The following CPLANE1 variants were observed in gnomAD, a reference collection of about 807,000 sequenced individuals.
CPLANE1 encodes ciliogenesis and planar polarity effector 1.
In CPLANE1, 263 loss-of-function variants were observed where a neutral mutation model predicts 362.5. That is an observed-to-expected ratio of 0.73 (90% CI 0.66 to 0.80). The LOEUF (loss-of-function observed/expected upper bound fraction) is 0.80, where lower values mean the gene tolerates loss of function less well. Among genes scored for constraint, CPLANE1 ranks in the 30% least tolerant of loss-of-function variants. The pLI, the probability that CPLANE1 is intolerant of heterozygous loss-of-function variation, is 0.00. For missense variants in CPLANE1, 3,461 were observed against 3,793.4 expected (o/e 0.91, Z 2.30); for synonymous variants, 1,212 against 1,302.6 (o/e 0.93, Z 1.50).
Position 37,209,365 on chromosome 5 carries a change from T to C in CPLANE1, c.2921-2940A>G. 9.6e-7 allele frequency: 1 copy of C among 1,044,852 alleles called. No homozygotes were observed. Among genetic ancestry groups the C allele is most frequent in the Non-Finnish European group, 1.5e-6 (1 of 663,940 alleles). 64.7% of individuals were successfully genotyped at this position (1,044,852 alleles called of 1,614,324 possible). ...GGCTCCGGAGGAAGCTGACGGCTGA[T>C]GATGGCTCAGTCCAACATGCTCCCC... On this transcript the variant is annotated intron_variant, in intron 16 of 52. Transcript: ENST00000651892. The surrounding 1 kb of genome is among the most constrained non-coding windows in gnomAD (Gnocchi z 4.6).
intron 15 of CPLANE1, among the ~76,000 whole-genome samples, chr5:37,220,438 A>G (rs1452605394): frequency 6.6e-6 from 1 of 152,116 alleles, no homozygotes; most frequent in African/African-American, 2.4e-5. Context: ...ATGTTCATTC[A>G]TATATATCTT....
intron 6 of CPLANE1, 131 bp from the exon 7 acceptor site, chr5:37,240,000 G>C (rs747119389): frequency 3.6e-5 from 20 of 558,690 alleles, no homozygotes; most frequent in Non-Finnish European, 5.6e-5. Flanking sequence ...ATATTTTAGA[G>C]ACTATGTTAA....
intron 30 of CPLANE1, among the ~76,000 whole-genome samples, chr5:37,176,908 G>A (rs538047957): frequency 2.0e-5 from 3 of 151,938 alleles, no homozygotes; most frequent in South Asian, 2.1e-4. Flanking sequence ...ACAAGCGCCC[G>A]CCACCACACC....
At chr5:37,199,001 G>T (rs1387365245) in intron 19 of CPLANE1, 135 bp from the exon 20 acceptor site, 3 of 725,164 alleles carry the variant, frequency 4.1e-6, no homozygotes, top group Non-Finnish European at 6.5e-6. Context: ...GAAGGCTGAA[G>T]CAGGAGGACT....
the CPLANE1 span, among the ~76,000 whole-genome samples, chr5:37,095,518 T>C: frequency 2.0e-5 from 3 of 151,678 alleles, no homozygotes; most frequent in South Asian, 6.2e-4. Flanking sequence ...CTCTGAAAAA[T>C]GGAACAAGGA....
chr5:37,241,224 C>T (rs561941595), intron 6 of CPLANE1, among the ~76,000 whole-genome samples: 76 of 150,892 alleles, frequency 5.0e-4, no homozygotes, highest in African/African-American at 1.7e-3. Context: ...GAGGCCAAGG[C>T]GGGCAGATCA....
the CPLANE1 span, among the ~76,000 whole-genome samples, chr5:37,075,971 C>T: frequency 2.6e-5 from 4 of 151,820 alleles, no homozygotes; most frequent in East Asian, 3.9e-4. Context: ...AGGCTGGGCA[C>T]GGTGGCTCAC....
chr5:37,201,306 T>C (rs1191175881), intron 19 of CPLANE1, among the ~76,000 whole-genome samples: 3 of 152,216 alleles, frequency 2.0e-5, no homozygotes, highest in Non-Finnish European at 4.4e-5. Context: ...GAATAATTAC[T>C]ATATGTCCCA....
rs533006302 is a variant in CPLANE1, at chr5:37,186,783, G to A, written c.4081-389C>T. Among the ~76,000 whole-genome samples the A allele has an allele frequency of 5.3e-5, 8 of 152,172 alleles. No homozygotes were observed. In the East Asian group the frequency reaches 7.7e-4, roughly 15 times the overall value. Reference sequence around the variant, plus strand: ...CGATTAACTGTAGTCACTATAGCCCGGCGCGGTGGCTCACGCCTGTAATCC... The same window carrying A: ...CGATTAACTGTAGTCACTATAGCCCAGCGCGGTGGCTCACGCCTGTAATCC... On this transcript the variant is annotated intron_variant, in intron 23 of 52. Transcript: ENST00000651892.
At chr5:37,157,542 T>C (rs921521740) in intron 40 of CPLANE1, 122 bp from the exon 41 acceptor site, 1 of 1,116,192 alleles carries the variant, frequency 9.0e-7, no homozygotes, top group East Asian at 2.6e-5. Context: ...AGAACATTTC[T>C]GTGCATGTAA....
intron 20 of CPLANE1, 110 bp from the exon 21 acceptor site, chr5:37,196,106 A>G (rs1169740529): frequency 4.0e-6 from 3 of 745,208 alleles, no homozygotes; most frequent in Non-Finnish European, 6.0e-6. Flanking sequence ...AATGGAAAAC[A>G]CAGCACATGA....
At chr5:37,138,443 C>T (rs953472678) in intron 46 of CPLANE1, 15 of 531,538 alleles carry the variant, frequency 2.8e-5, no homozygotes, top group Non-Finnish European at 7.1e-6. Flanking sequence ...GGGTAAAGTG[C>T]TATGAGCTAA....
chr5:37,140,755 C>G, intron 44 of CPLANE1: 1 of 985,368 alleles, frequency 1.0e-6, no homozygotes, highest in Non-Finnish European at 1.2e-6. Context: ...AACAAGTTGC[C>G]CTTTCTCCTA....
chr5:37,228,320 G>A (rs185260302), intron 9 of CPLANE1, among the ~76,000 whole-genome samples: 8 of 152,192 alleles, frequency 5.3e-5, no homozygotes, highest in Admixed American at 6.5e-5. Context: ...TTATTATGAT[G>A]TACCTGATTC....
chr5:37,110,245 A>G (rs1339983208), intron 51 of CPLANE1, among the ~76,000 whole-genome samples: 1 of 151,956 alleles, frequency 6.6e-6, no homozygotes, highest in Non-Finnish European at 1.5e-5. Context: ...CTCTCCCACC[A>G]TATCTCTCGT....
At chr5:37,119,804 T>C (rs1762122698) in intron 50 of CPLANE1, among the ~76,000 whole-genome samples, 2 of 151,544 alleles carry the variant, frequency 1.3e-5, no homozygotes, top group African/African-American at 2.4e-5. Context: ...GCTAACACAA[T>C]GAAACCCCGT....
intron 17 of CPLANE1, among the ~76,000 whole-genome samples, chr5:37,205,945 T>A (rs975436572): frequency 6.6e-6 from 1 of 152,238 alleles, no homozygotes; most frequent in East Asian, 1.9e-4. Flanking sequence ...ACTAACTATA[T>A]GTGGCTATTT....
chr5:37,121,803 G>C lies in CPLANE1; in HGVS notation c.9018-19C>G, dbSNP rs1226565822. The C allele has an allele frequency of 6.2e-7, 1 of 1,603,470 alleles. No individual in the cohort carries two copies. The highest frequency in any genetic ancestry group is 8.5e-7 in the Non-Finnish European group (1 of 1,171,230). On this transcript the variant is annotated intron_variant, in intron 48 of 52. Transcript: ENST00000651892. Reference sequence around the variant, plus strand: ...CAGCAATCTGTAGACAAAGAATTAAGCATCATTTATTAAGAGTCACTTTCA... The same window carrying C: ...CAGCAATCTGTAGACAAAGAATTAACCATCATTTATTAAGAGTCACTTTCA...
At chr5:37,247,924 A>G in intron 1 of CPLANE1, 179 bp from the exon 2 acceptor site, 1 of 368,610 alleles carries the variant, frequency 2.7e-6, no homozygotes, top group East Asian at 5.4e-5. Flanking sequence ...TAGCCTCCCG[A>G]GTAGCTGGGA....
Sources: gnomAD v4.1 joint callset for allele counts (sites outside exome capture counted in the v4.1 genomes callset) on GRCh38, gnomAD v4.1.1 for gene constraint, Gnocchi (gnomAD v3.1) non-coding constraint, MANE v1.5 for transcripts, NCBI Gene and HGNC (gene_info 2026-07-23, HGNC 2026-07-21) for gene names.